The following CPAP variants were observed in gnomAD, a reference collection of about 807,000 sequenced individuals.
CPAP encodes the protein centrosome assembly and centriole elongation protein, also known as centrosomal P4.1-associated protein.
the CPAP span, chr13:24,933,059 C>G: frequency 6.3e-7 from 1 of 1,588,384 alleles, no homozygotes; most frequent in Non-Finnish European, 8.6e-7. Flanking sequence ...AAGTACTTAC[C>G]TCGGCAGCAG....
chr13:24,882,291 TTTTA>T, the CPAP span: 36 of 150,812 alleles, frequency 2.4e-4, no homozygotes, highest in Admixed American at 1.9e-3. Flanking sequence ...CTTCAAAAAG[TTTTA>T]TTTTTCATAT....
the CPAP span, chr13:24,909,753 A>G: frequency 1.3e-6 from 2 of 1,572,818 alleles, no homozygotes; most frequent in Non-Finnish European, 1.7e-6. Context: ...ACTTAGTAAC[A>G]CTATAAGCAC....
At chr13:24,913,099 C>G in the CPAP span, 1 of 1,290,758 alleles carries the variant, frequency 7.7e-7, no homozygotes, top group Admixed American at 1.8e-5. Context: ...CACCTGTAGA[C>G]AAAAATAGCC....
chr13:24,912,146 CATCTCCCTCCTCCT>C, the CPAP span: 1 of 1,367,494 alleles, frequency 7.3e-7, no homozygotes, highest in African/African-American at 1.4e-5. Flanking sequence ...TAATTCCTCC[CATCTCCCTCCTCCT>C]ATCTTTCCTG....
At chr13:24,907,379 A>G in the CPAP span, among the ~76,000 whole-genome samples, 1 of 152,190 alleles carries the variant, frequency 6.6e-6, no homozygotes, top group African/African-American at 2.4e-5. Context: ...GAAACATACA[A>G]CACTCTTCAC....
At chr13:24,896,823 G>A in the CPAP span, among the ~76,000 whole-genome samples, 1 of 152,162 alleles carries the variant, frequency 6.6e-6, no homozygotes, top group South Asian at 2.1e-4. Flanking sequence ...CTAATCCTAG[G>A]AGATCCAGAA....
the CPAP span, among the ~76,000 whole-genome samples, chr13:24,896,291 G>A: frequency 2.0e-5 from 3 of 152,128 alleles, no homozygotes; most frequent in Non-Finnish European, 2.9e-5. Context: ...TCCTGAAGAG[G>A]GACGGCAACT....
At chr13:24,885,341 G>T in the CPAP span, 2 of 1,613,770 alleles carry the variant, frequency 1.2e-6, no homozygotes, top group East Asian at 2.2e-5. Flanking sequence ...TTATATTCAG[G>T]ATCTGGGAAG....
At chr13:24,883,350 C>A in the CPAP span, 3 of 1,609,522 alleles carry the variant, frequency 1.9e-6, no homozygotes, top group African/African-American at 4.0e-5. Context: ...TTATTAAACT[C>A]TATGAGTTTG....
the CPAP span, chr13:24,906,353 TCTAA>T: frequency 6.2e-7 from 1 of 1,612,548 alleles, no homozygotes; most frequent in Admixed American, 1.7e-5. Flanking sequence ...TTCCCAAGTC[TCTAA>T]CTTTTTCTGA....
the CPAP span, among the ~76,000 whole-genome samples, chr13:24,903,211 G>A: frequency 1.3e-5 from 2 of 152,252 alleles, no homozygotes; most frequent in Admixed American, 1.3e-4. Flanking sequence ...ATCGACTGCT[G>A]TAGGTGGAGT....
At chr13:24,883,958 C>T in the CPAP span, 1 of 1,614,076 alleles carries the variant, frequency 6.2e-7, no homozygotes, top group Non-Finnish European at 8.5e-7. Flanking sequence ...ATAATGTTGC[C>T]ATACCGTTGT....
At chr13:24,912,524 T>C in the CPAP span, 12 of 1,403,600 alleles carry the variant, frequency 8.5e-6, no homozygotes, top group Admixed American at 1.6e-4. Flanking sequence ...AATGACTTTA[T>C]TACATAAACA....
At chr13:24,926,760 G>A in the CPAP span, among the ~76,000 whole-genome samples, 1 of 152,174 alleles carries the variant, frequency 6.6e-6, no homozygotes, top group African/African-American at 2.4e-5. Flanking sequence ...GGCCTGCCCT[G>A]TGATGCAAGA....
At chr13:24,927,337 T>C in the CPAP span, among the ~76,000 whole-genome samples, 1 of 152,176 alleles carries the variant, frequency 6.6e-6, no homozygotes, top group African/African-American at 2.4e-5. Flanking sequence ...AACAAACCCA[T>C]GAATTAATTG....
At chr13:24,910,612 A>T in the CPAP span, among the ~76,000 whole-genome samples, 1 of 152,196 alleles carries the variant, frequency 6.6e-6, no homozygotes. Flanking sequence ...TAAGAATCCT[A>T]AGGGATCCTG....
chr13:24,930,563 A>C, the CPAP span, among the ~76,000 whole-genome samples: 2 of 152,146 alleles, frequency 1.3e-5, no homozygotes, highest in Non-Finnish European at 2.9e-5. Context: ...AACATGCAGT[A>C]TTTGGTTTTT....
chr13:24,903,238 A>G, the CPAP span, among the ~76,000 whole-genome samples: 5 of 152,342 alleles, frequency 3.3e-5, no homozygotes, highest in South Asian at 8.3e-4. Context: ...CTCTAAAACA[A>G]TATGTTGAAG....
chr13:24,905,236 TAATTC>T, the CPAP span: 4 of 1,046,666 alleles, frequency 3.8e-6, no homozygotes, highest in Admixed American at 4.0e-5. Flanking sequence ...TAATTTGACT[TAATTC>T]TATTGAGCAA....
Sources: gnomAD v4.1 joint callset for allele counts (sites outside exome capture counted in the v4.1 genomes callset) on GRCh38, gnomAD v4.1.1 for gene constraint, MANE v1.5 for transcripts, NCBI Gene and HGNC (gene_info 2026-07-23, HGNC 2026-07-21) for gene names.